SLF2: variants seen among roughly 807,000 people sequenced by gnomAD.
SLF2 encodes SMC5/6 complex localization factor 2.
Under a neutral mutation model 124.3 loss-of-function variants are expected in SLF2, and 68 were observed. That is an observed-to-expected ratio of 0.55 (90% confidence interval 0.45 to 0.67). The LOEUF (loss-of-function observed/expected upper bound fraction) is 0.67, where lower values mean the gene tolerates loss of function less well. Ranked by LOEUF, SLF2 falls within the 30% of genes least tolerant of loss-of-function variation. SLF2 has a pLI of 0.00. For missense variants in SLF2, 1,246 were observed against 1,373.7 expected, an observed-to-expected ratio of 0.91 and a Z score of 1.47; for synonymous variants, 480 against 478.8, an observed-to-expected ratio of 1.00 and a Z score of -0.03.
chr10:100,935,134 G>T (rs1291655313), intron 9 of SLF2, among the ~76,000 whole-genome samples: 1 of 152,084 alleles, frequency 6.6e-6, no homozygotes, highest in Non-Finnish European at 1.5e-5. Context: ...GATGGCTCAT[G>T]CCTGTAATCC....
In SLF2 at chr10:100,938,665, T is replaced by C. The variant is rs764834015; in HGVS notation, c.2583T>C (p.Asn861=). 6 of 1,613,698 alleles carry C rather than the reference T, an allele frequency of 3.7e-6. No individual in the cohort carries two copies. Among genetic ancestry groups the C allele is most frequent in the Non-Finnish European group, 5.1e-6 (6 of 1,179,924 alleles). Residue 861 remains asparagine (N), a synonymous_variant, in exon 11 of 20, where the codon AAT becomes AAC. Coordinates refer to ENST00000238961, the MANE Select transcript of SLF2 (RefSeq NM_018121.4). ...SLSDVAAVFF[N]MGIDFRSLFP... ...CTGATGTAGCAGCTGTGTTTTTCAA[T>C]ATGGGGATTGATTTTAGATCTTTGT...
chr10:100,949,263 G>A (rs1047602173), intron 15 of SLF2, among the ~76,000 whole-genome samples: 8 of 152,164 alleles, frequency 5.3e-5, no homozygotes, highest in Non-Finnish European at 2.9e-5. Flanking sequence ...AAAGAGATCC[G>A]GGGATAGGAT....
chr10:100,955,001 A>C (rs1305987631), intron 17 of SLF2, among the ~76,000 whole-genome samples: 3 of 148,072 alleles, frequency 2.0e-5, no homozygotes, highest in African/African-American at 7.5e-5. Context: ...GTGCAGTGGC[A>C]CAGTCTCGGC....
At position 100,938,706 on chromosome 10, in the gene SLF2, T is replaced by A. The variant is rs1364307366; in HGVS notation, c.2624T>A (p.Leu875His). Reference sequence around the variant, plus strand: ...AGATCTTTGTTTCCCCTGGAGAATCTTCAGCCAGACTTTAATGAAGACTAT... The same window carrying A: ...AGATCTTTGTTTCCCCTGGAGAATCATCAGCCAGACTTTAATGAAGACTAT... ...DFRSLFPLEN[L>H]QPDFNEDYLV... Residue 875 changes from leucine to histidine, a missense_variant, in exon 11 of 20, where the codon CTT (leucine) becomes CAT (histidine). Leu to His is a moderately conservative substitution (Grantham distance 99, BLOSUM62 -3). Coordinates refer to ENST00000238961, the MANE Select transcript of SLF2 (RefSeq NM_018121.4). 3 of 1,612,870 alleles carry A rather than the reference T, an allele frequency of 1.9e-6. No individual in the cohort carries two copies. In the Admixed American group the frequency reaches 5.0e-5, roughly 27 times the overall value.
At chr10:100,935,533 C>G (rs1474088297) in intron 9 of SLF2, among the ~76,000 whole-genome samples, 2 of 151,290 alleles carry the variant, frequency 1.3e-5, no homozygotes, top group African/African-American at 4.9e-5. Flanking sequence ...AAACCCGTCT[C>G]TAGCCTAATG....
At chr10:100,917,404 C>T (rs1317937159) in intron 3 of SLF2, 104 bp downstream of exon 3, 2 of 1,290,792 alleles carry the variant, frequency 1.5e-6, no homozygotes, top group Non-Finnish European at 2.1e-6. Flanking sequence ...GACGTCTTTC[C>T]TGAAGGAAAT....
chr10:100,946,769 T>G (rs1465606296), intron 13 of SLF2, among the ~76,000 whole-genome samples: 1 of 152,240 alleles, frequency 6.6e-6, no homozygotes, highest in Non-Finnish European at 1.5e-5. Flanking sequence ...TGTTTAAATA[T>G]CAATGGGAGA....
chr10:100,923,514 A>G (rs1243642986), intron 4 of SLF2, among the ~76,000 whole-genome samples: 1 of 143,080 alleles, frequency 7.0e-6, no homozygotes, highest in Admixed American at 7.0e-5. Context: ...ACACAGCGTG[A>G]TTTTTTTTTT....
In SLF2 at chr10:100,937,493, T is replaced by G; in HGVS notation, c.2512+16T>G. 7.0e-7 allele frequency: 1 copy of G among 1,427,176 alleles called. No homozygotes were observed. The highest frequency in any genetic ancestry group is 9.9e-7 in the Non-Finnish European group (1 of 1,010,262). The allele number at this position is 1,427,176 out of a possible 1,614,324, so 88.4% of individuals were successfully genotyped here. A position where few individuals can be genotyped will look rare whatever the true frequency, so the allele number is the denominator to read the frequency against. On this transcript the variant is annotated intron_variant, in intron 10 of 19. Coordinates refer to ENST00000238961, the MANE Select transcript of SLF2 (RefSeq NM_018121.4). Reference sequence around the variant, plus strand: ...ATTAGAAATGGTAAGTATATCAACTTATTAAGATTTACCGTGTGTATTATT... The same window carrying G: ...ATTAGAAATGGTAAGTATATCAACTGATTAAGATTTACCGTGTGTATTATT...
At chr10:100,958,312 C>T (rs1389838533) in intron 18 of SLF2, among the ~76,000 whole-genome samples, 1 of 152,028 alleles carries the variant, frequency 6.6e-6, no homozygotes, top group Admixed American at 6.5e-5. Context: ...AAGTTAAATA[C>T]AAAAATAAGC....
Position 100,924,796 on chromosome 10 carries a change from G to C in SLF2, c.1795G>C (p.Gly599Arg). 1 of 1,614,104 alleles carries C rather than the reference G, an allele frequency of 6.2e-7. No homozygotes were observed. Among genetic ancestry groups the C allele is most frequent in the Non-Finnish European group, 8.5e-7 (1 of 1,180,034 alleles). The change falls in exon 5 of 20, where the codon GGT (glycine) becomes CGT (arginine). Residue 599 changes from glycine (G) to arginine (R), a missense_variant. Around this residue, in one of 3 missense-constraint regions of SLF2, gnomAD observed 698 missense variants for 708.9 expected, o/e 0.98. Transcript: ENST00000238961. ...CAGTGCACTGAAAAGAAAACTAAGG[G>C]GTGATTTTGATAGTGATGAAGAAAG... ...GSSALKRKLR[G>R]DFDSDEESLG...
intron 11 of SLF2, among the ~76,000 whole-genome samples, chr10:100,942,010 T>TA (rs1849990844): frequency 1.3e-5 from 2 of 152,308 alleles, no homozygotes; most frequent in South Asian, 4.1e-4. Flanking sequence ...ACATTTGTAT[T>TA]AAAGGTGGAG....
chr10:100,929,263 C>T, intron 6 of SLF2, 54 bp from the exon 7 acceptor site: 1 of 1,513,420 alleles, frequency 6.6e-7, no homozygotes. Flanking sequence ...AAACTAAAGA[C>T]TTTTTAAAAA....
At chr10:100,928,170 AAG>A (rs1849656383) in intron 6 of SLF2, among the ~76,000 whole-genome samples, 3 of 151,632 alleles carry the variant, frequency 2.0e-5, no homozygotes, top group South Asian at 2.1e-4. Flanking sequence ...TTTTGCTAAT[AAG>A]AGGGGAAAAA....
chr10:100,916,060 G>A lies in SLF2; in HGVS notation c.184+18G>A. The A allele has an allele frequency of 1.2e-6, 2 of 1,601,150 alleles. No individual in the cohort carries two copies. Among genetic ancestry groups the A allele is most frequent in the South Asian group, 1.1e-5 (1 of 89,446 alleles). On this transcript the variant is annotated intron_variant, in intron 2 of 19. Transcript: ENST00000238961. ...AAAACAAGGTATGTACACTGTTGAT[G>A]CATTTTTTGTGGGCTATTTTGGGGG... is the stretch of plus-strand genomic sequence containing the variant.
At position 100,938,172 on chromosome 10, in the gene SLF2, A is replaced by G. The variant is rs531379316; in HGVS notation, c.2513-423A>G. On this transcript the variant is annotated intron_variant, in intron 10 of 19. Coordinates refer to ENST00000238961, the MANE Select transcript of SLF2 (RefSeq NM_018121.4). ...TTGAAAGCATCCACTGTAAAAGTGT[A>G]ACATTTGCTTTCTCATCTTTGAGAG... Among the ~76,000 whole-genome samples, 149 of 152,344 alleles carry G rather than the reference A, an allele frequency of 9.8e-4. No homozygotes were observed. The highest frequency in any genetic ancestry group is 1.9e-3 in the Non-Finnish European group (131 of 68,036).
At chr10:100,942,926 A>G (rs1243060780) in intron 11 of SLF2, among the ~76,000 whole-genome samples, 2 of 56,126 alleles carry the variant, frequency 3.6e-5, no homozygotes, top group Non-Finnish European at 3.8e-5. Context: ...ACCCCACCCC[A>G]CCCACTCTCT....
Position 100,944,067 on chromosome 10 carries a change from A to G in SLF2, c.2696A>G (p.Asp899Gly), listed in dbSNP as rs779357859. 1.2e-6 allele frequency: 2 copies of G among 1,613,138 alleles called. No individual in the cohort carries two copies. The highest frequency in any genetic ancestry group is 1.7e-6 in the Non-Finnish European group (2 of 1,179,696). The change falls in exon 12 of 20, where the codon GAT becomes GGT. Residue 899 changes from aspartate to glycine, a missense_variant. Asp to Gly is a moderately conservative substitution (Grantham distance 94). Around this residue, in one of 3 missense-constraint regions of SLF2, gnomAD observed 535 missense variants for 632.8 expected, o/e 0.85. Coordinates refer to ENST00000238961, the MANE Select transcript of SLF2 (RefSeq NM_018121.4). Reference protein sequence around the residue: ...QTTSRGKESEDSSYKPIFSTL... With the variant: ...QTTSRGKESEGSSYKPIFSTL... ...ACATCAAGGGGGAAAGAAAGTGAAG[A>G]TTCATCTTATAAGCCAATTTTTTCA... is the stretch of plus-strand genomic sequence containing the variant.
rs749859677 is a variant in SLF2, at chr10:100,937,441, A to T, written c.2476A>T (p.Ile826Phe). The T allele has an allele frequency of 1.9e-6, 3 of 1,609,276 alleles. No individual in the cohort carries two copies. Among genetic ancestry groups the T allele is most frequent in the Non-Finnish European group, 2.6e-6 (3 of 1,175,772 alleles). The change falls in exon 10 of 20, where the codon ATT (isoleucine) becomes TTT (phenylalanine). Residue 826 changes from isoleucine to phenylalanine, a missense_variant. Ile to Phe is a conservative substitution (Grantham distance 21, BLOSUM62 0). Transcript: ENST00000238961. The stretch of plus-strand genomic sequence containing the variant: ...TACAGACTGTATTGTGTCAGTGCAG[A>T]TTTTAAGTACATTGATGGAAATAAC... ...VHTDCIVSVQILSTLMEITIR... is the reference protein window; with the variant it reads ...VHTDCIVSVQFLSTLMEITIR...
Sources: gnomAD v4.1 joint callset for allele counts (sites outside exome capture counted in the v4.1 genomes callset) on GRCh38, gnomAD v4.1.1 for gene constraint, gnomAD v4.1.1 regional missense constraint, MANE v1.5 for transcripts, NCBI Gene and HGNC (gene_info 2026-07-23, HGNC 2026-07-21) for gene names.